The following PDE3B variants were observed in gnomAD, a reference collection of about 807,000 sequenced individuals.
PDE3B encodes the protein cGMP-inhibited 3',5'-cyclic phosphodiesterase 3B.
In PDE3B, 66 loss-of-function variants were observed where a neutral mutation model predicts 116.8. The ratio of observed to expected loss-of-function variants is 0.56; its 90% CI spans 0.46 to 0.69. PDE3B has a LOEUF of 0.69. PDE3B is among the 30% of genes least tolerant of loss of function. The probability of loss-of-function intolerance (pLI) is 0.00; values close to 1 mark genes in which losing one functional copy is unlikely to be tolerated. For missense variants in PDE3B, 1,384 were observed against 1,368.1 expected (o/e 1.01, Z -0.18); for synonymous variants, 595 against 533.6 (o/e 1.12, Z -1.59).
rs537536304 is a variant in PDE3B at position 14,697,494 on chromosome 11, A to G, written c.978+52441A>G. ...TTTGGTTGTTGTCAGACTCTCCAAT[A>G]TAATAAATTTTGAAGTCTGGTAGTG... is the stretch of plus-strand genomic sequence containing the variant. On this transcript the variant is annotated intron_variant, in intron 1 of 15. Transcript: ENST00000282096. Among the ~76,000 whole-genome samples, 4 of 152,242 alleles carry G rather than the reference A, an allele frequency of 2.6e-5. No homozygotes were observed. The East Asian group carries it at 7.7e-4, about 29-fold the overall frequency.
chr11:14,718,607 A>G (rs1855990275), intron 1 of PDE3B, among the ~76,000 whole-genome samples: 2 of 150,196 alleles, frequency 1.3e-5, no homozygotes, highest in Admixed American at 1.3e-4. Context: ...AGAACTCAGG[A>G]TTAAGAATCT....
At chr11:14,738,267 C>T (rs1172188381) in intron 1 of PDE3B, among the ~76,000 whole-genome samples, 1 of 152,200 alleles carries the variant, frequency 6.6e-6, no homozygotes, top group Admixed American at 6.5e-5. Flanking sequence ...TCTACACATC[C>T]TCTGCAGCAT....
chr11:14,841,047 A>AT (rs1313817022), intron 11 of PDE3B, among the ~76,000 whole-genome samples: 1 of 152,042 alleles, frequency 6.6e-6, no homozygotes, highest in Non-Finnish European at 1.5e-5. Context: ...CCTTCAGGGT[A>AT]TTTTTTGGAT....
intron 1 of PDE3B, among the ~76,000 whole-genome samples, chr11:14,718,465 T>C (rs1364143763): frequency 5.4e-5 from 8 of 147,726 alleles, no homozygotes; most frequent in Admixed American, 1.4e-4. Context: ...CAACAGAATA[T>C]ACGTTTTTTT....
intron 1 of PDE3B, among the ~76,000 whole-genome samples, chr11:14,733,423 A>C (rs1565113441): frequency 6.6e-6 from 1 of 152,086 alleles, no homozygotes; most frequent in Non-Finnish European, 1.5e-5. Context: ...GGATCCGTCA[A>C]AGTTGGAAAT....
chr11:14,887,412 T>G, the PDE3B span: 1 of 177,570 alleles, frequency 5.6e-6, no homozygotes, highest in African/African-American at 2.4e-5. Flanking sequence ...AATTTTTACT[T>G]GAACTAGTAT....
chr11:14,863,910 T>A (rs1847995253), intron 14 of PDE3B, among the ~76,000 whole-genome samples: 1 of 152,094 alleles, frequency 6.6e-6, no homozygotes, highest in African/African-American at 2.4e-5. Flanking sequence ...CGGGCAAAAT[T>A]AACCTGCTAG....
At chr11:14,854,518 ATTT>A (rs72059847) in intron 12 of PDE3B, among the ~76,000 whole-genome samples, 2 of 143,970 alleles carry the variant, frequency 1.4e-5, no homozygotes, top group Non-Finnish European at 1.5e-5. Context: ...GAAATCTAGA[ATTT>A]TTTTTTTTTT....
At chr11:14,679,201 T>A (rs1854625034) in intron 1 of PDE3B, among the ~76,000 whole-genome samples, 2 of 152,258 alleles carry the variant, frequency 1.3e-5, no homozygotes, top group South Asian at 4.1e-4. Flanking sequence ...CAATATTGTT[T>A]GACCTTTGCA....
At chr11:14,762,154 C>CTT (rs750202417) in intron 1 of PDE3B, among the ~76,000 whole-genome samples, 1 of 143,802 alleles carries the variant, frequency 7.0e-6, no homozygotes. Context: ...GGATTTTATA[C>CTT]TTTTTTTTTT....
rs146902420 is a variant in PDE3B, at chr11:14,832,483, T to C, written c.2095-239T>C. ...AAAGCTAAGGAGAAGAATGGAAAAA[T>C]TAAAAATTGGGACATGATATGTATG... is the stretch of plus-strand genomic sequence containing the variant. On this transcript the variant is annotated intron_variant, in intron 9 of 15. Coordinates refer to ENST00000282096, the MANE Select transcript of PDE3B (RefSeq NM_000922.4). Among the ~76,000 whole-genome samples, 360 of 152,280 alleles carry C rather than the reference T, an allele frequency of 2.4e-3. 1 individual carries two copies. The highest frequency in any genetic ancestry group is 8.1e-3 in the African/African-American group (338 of 41,578).
rs74623814 is a variant in PDE3B at position 14,708,565 on chromosome 11, A to G, written c.979-63372A>G. The stretch of plus-strand genomic sequence containing the variant: ...TAGACTGGATTCTATAAGCAGTACT[A>G]TAAAGAATGTTATTGGATCAGCTGA... On this transcript the variant is annotated intron_variant, in intron 1 of 15. Transcript: ENST00000282096. Among the ~76,000 whole-genome samples, 118 of 152,242 alleles carry G rather than the reference A, an allele frequency of 7.8e-4. No homozygotes were observed. The East Asian group carries it at 0.016, about 21-fold the overall frequency.
At chr11:14,785,779 A>G (rs974188764) in intron 2 of PDE3B, among the ~76,000 whole-genome samples, 1 of 151,928 alleles carries the variant, frequency 6.6e-6, no homozygotes, top group Non-Finnish European at 1.5e-5. Flanking sequence ...TTTGTTAATT[A>G]TTCATCTTTA....
chr11:14,896,086 C>T, the PDE3B span, among the ~76,000 whole-genome samples: 1 of 152,318 alleles, frequency 6.6e-6, no homozygotes, highest in South Asian at 2.1e-4. Flanking sequence ...CCTGCCATTT[C>T]CTAGGGATAC....
intron 5 of PDE3B, among the ~76,000 whole-genome samples, chr11:14,812,121 A>T (rs925790680): frequency 2.3e-4 from 35 of 152,198 alleles, no homozygotes; most frequent in African/African-American, 8.2e-4. Context: ...ATAGAGAATG[A>T]CTGCTAATGG....
chr11:14,824,985 T>TAA (rs746612159), intron 7 of PDE3B, among the ~76,000 whole-genome samples: 1 of 143,402 alleles, frequency 7.0e-6, no homozygotes, highest in South Asian at 2.2e-4. Context: ...TCAACATTCT[T>TAA]AAAAAAAAAA....
chr11:14,803,102 G>A (rs566168728), intron 4 of PDE3B, among the ~76,000 whole-genome samples: 3 of 152,212 alleles, frequency 2.0e-5, no homozygotes, highest in Admixed American at 6.5e-5. Context: ...GCAAAGCAGT[G>A]TAAGTTAGGG....
At chr11:14,702,224 A>G (rs1855385776) in intron 1 of PDE3B, among the ~76,000 whole-genome samples, 1 of 151,694 alleles carries the variant, frequency 6.6e-6, no homozygotes, top group Admixed American at 6.6e-5. Context: ...GGGGTTCCTT[A>G]TTCTCTGTTC....
rs1300998995 is a variant in PDE3B at position 14,850,165 on chromosome 11, A to G, written c.2520+6139A>G. ...ATGGAATACTATGCAGCCATAAAAAAGGATGAGTTCATGTCCTTTGTAGGG... is the reference window on the plus strand; with the variant it reads ...ATGGAATACTATGCAGCCATAAAAAGGGATGAGTTCATGTCCTTTGTAGGG... On this transcript the variant is annotated intron_variant, in intron 12 of 15. Coordinates refer to ENST00000282096, the MANE Select transcript of PDE3B (RefSeq NM_000922.4). Among the ~76,000 whole-genome samples the G allele has an allele frequency of 2.0e-5, 3 of 152,138 alleles. No homozygotes were observed. In the East Asian group the frequency reaches 5.8e-4, roughly 29 times the overall value.
Sources: allele counts gnomAD v4.1 joint callset (sites outside exome capture counted in the v4.1 genomes callset), GRCh38; gene constraint gnomAD v4.1.1; transcripts MANE v1.5; gene names NCBI Gene and HGNC (gene_info 2026-07-23, HGNC 2026-07-21).